Variants in HORMAD2 observed in about 807,000 individuals in gnomAD.
HORMAD2 encodes the protein HORMA domain-containing protein 2.
In HORMAD2, 45 loss-of-function variants were observed where a neutral mutation model predicts 38.8. The observed-to-expected ratio is 1.16, with a 90% CI of 0.91 to 1.49. HORMAD2 has a LOEUF of 1.49. HORMAD2 is among the 40% of genes most tolerant of loss of function. HORMAD2 has a pLI of 0.00. For missense variants in HORMAD2, 338 were observed against 367.0 expected (o/e 0.92, Z 0.65); for synonymous variants, 126 against 122.8 (o/e 1.03, Z -0.17).
intron 10 of HORMAD2, among the ~76,000 whole-genome samples, chr22:30,126,906 G>T (rs1922908051): frequency 6.6e-6 from 1 of 152,052 alleles, no homozygotes; most frequent in African/African-American, 2.4e-5. Flanking sequence ...GTATGTCATT[G>T]TTGTTTTAAT....
At chr22:30,095,748 C>T (rs1443857507) in intron 2 of HORMAD2, among the ~76,000 whole-genome samples, 1 of 152,206 alleles carries the variant, frequency 6.6e-6, no homozygotes, top group Admixed American at 6.5e-5. Flanking sequence ...GCTGAAAGAA[C>T]TGCATAAGAC....
intron 10 of HORMAD2, among the ~76,000 whole-genome samples, chr22:30,140,704 A>G (rs1924012697): frequency 6.6e-6 from 1 of 152,016 alleles, no homozygotes; most frequent in African/African-American, 2.4e-5. Context: ...AGGTTTGTCA[A>G]TTTTGTTGAT....
intron 10 of HORMAD2, among the ~76,000 whole-genome samples, chr22:30,162,502 A>G (rs1255465927): frequency 1.3e-5 from 2 of 152,246 alleles, no homozygotes; most frequent in Admixed American, 6.5e-5. Flanking sequence ...CATCATTTTA[A>G]TATTCACATA....
chr22:30,140,545 C>A (rs771267578), intron 10 of HORMAD2, among the ~76,000 whole-genome samples: 1 of 152,056 alleles, frequency 6.6e-6, no homozygotes, highest in East Asian at 1.9e-4. Context: ...ATTTCCATTT[C>A]ATCTAAGTTA....
At chr22:30,080,669 C>A (rs1229557570) in intron 1 of HORMAD2, among the ~76,000 whole-genome samples, 178 bp downstream of exon 1, 1 of 152,018 alleles carries the variant, frequency 6.6e-6, no homozygotes, top group Non-Finnish European at 1.5e-5. Flanking sequence ...ATCGGGAGGG[C>A]AGGGGGCTGA....
At chr22:30,107,171 T>C (rs1921262338) in intron 5 of HORMAD2, among the ~76,000 whole-genome samples, 1 of 152,190 alleles carries the variant, frequency 6.6e-6, no homozygotes, top group African/African-American at 2.4e-5. Flanking sequence ...AGGGAGGTCA[T>C]AATATAATAG....
In HORMAD2 at chr22:30,176,230, C is replaced by G; in HGVS notation, c.*63C>G. Reference sequence around the variant, plus strand: ...TTTATTTTGTAAAAACATGCATAAACTGTCTTAGCAGGAAAGTACATTCCT... The same window carrying G: ...TTTATTTTGTAAAAACATGCATAAAGTGTCTTAGCAGGAAAGTACATTCCT... On this transcript the variant is annotated 3_prime_UTR_variant, in exon 11 of 11. Transcript: ENST00000336726. 1 of 1,142,668 alleles carries G rather than the reference C, an allele frequency of 8.8e-7. No individual in the cohort carries two copies. The highest frequency in any genetic ancestry group is 1.3e-6 in the Non-Finnish European group (1 of 784,730). 70.8% of individuals were successfully genotyped at this position (1,142,668 alleles called of 1,614,324 possible). A position where few individuals can be genotyped will look rare whatever the true frequency, so the allele number is the denominator to read the frequency against.
intron 3 of HORMAD2, among the ~76,000 whole-genome samples, chr22:30,102,710 C>T (rs918331123): frequency 1.3e-5 from 2 of 152,152 alleles, no homozygotes; most frequent in African/African-American, 4.8e-5. Flanking sequence ...ATTACAGCTT[C>T]GACCTTCCAG....
At chr22:30,152,258 T>C (rs1301402701) in intron 10 of HORMAD2, among the ~76,000 whole-genome samples, 10 of 151,976 alleles carry the variant, frequency 6.6e-5, no homozygotes. Flanking sequence ...AGTGCAGTGG[T>C]ACAATCATAG....
chr22:30,090,692 T>C (rs2068665897), intron 1 of HORMAD2, among the ~76,000 whole-genome samples: 1 of 152,226 alleles, frequency 6.6e-6, no homozygotes, highest in Non-Finnish European at 1.5e-5. Context: ...TCCACATCCT[T>C]ACCAACTTAC....
intron 10 of HORMAD2, among the ~76,000 whole-genome samples, chr22:30,169,219 T>C (rs1307954594): frequency 6.6e-6 from 1 of 152,138 alleles, no homozygotes; most frequent in East Asian, 1.9e-4. Context: ...TGCTGTACCC[T>C]ATATATGACT....
intron 10 of HORMAD2, among the ~76,000 whole-genome samples, chr22:30,167,561 TAGG>T (rs1925861869): frequency 6.6e-6 from 1 of 152,162 alleles, no homozygotes; most frequent in South Asian, 2.1e-4. Flanking sequence ...GTGTAGGCAT[TAGG>T]AGACGAGGGA....
chr22:30,127,199 CTTTTTTTTT>C lies in HORMAD2; in HGVS notation c.819+5004_819+5012del, dbSNP rs757608874. Among the ~76,000 whole-genome samples the C allele has an allele frequency of 7.5e-5, 6 of 79,802 alleles. No individual in the cohort carries two copies. The South Asian group carries it at 1.4e-3, about 18-fold the overall frequency. The allele number at this position is 79,802 out of a possible 152,430, so 52.4% of individuals were successfully genotyped here. ...ATGAGGTGTTTTATAAACAGAAGTT[CTTTTTTTTT>C]TTTTTTTTTTTTTTTTTTGAGACGG... On this transcript the variant is annotated intron_variant, in intron 10 of 10. Transcript: ENST00000336726.
intron 10 of HORMAD2, among the ~76,000 whole-genome samples, chr22:30,153,024 T>G (rs73402627): frequency 0.045 from 6,903 of 152,232 alleles, 522 homozygotes; most frequent in African/African-American, 0.16. Context: ...GTCTTTTTAT[T>G]CACCACTGCC....
At chr22:30,084,434 A>G (rs2068535484) in intron 1 of HORMAD2, among the ~76,000 whole-genome samples, 1 of 152,174 alleles carries the variant, frequency 6.6e-6, no homozygotes, top group Admixed American at 6.6e-5. Context: ...TAAAGGCCCC[A>G]ACTCTCAACA....
At chr22:30,110,987 C>T (rs901372319) in intron 5 of HORMAD2, among the ~76,000 whole-genome samples, 12 of 151,082 alleles carry the variant, frequency 7.9e-5, no homozygotes, top group African/African-American at 2.9e-4. Flanking sequence ...GAAACCCTGT[C>T]TCTACTAAAA....
chr22:30,096,418 T>C (rs924288758), intron 2 of HORMAD2, among the ~76,000 whole-genome samples: 2 of 152,146 alleles, frequency 1.3e-5, no homozygotes, highest in African/African-American at 4.8e-5. Flanking sequence ...GAGTTTTTAT[T>C]ATTCTACATC....
At chr22:30,158,555 TCCCCTC>T (rs1925232482) in intron 10 of HORMAD2, among the ~76,000 whole-genome samples, 1 of 72,782 alleles carries the variant, frequency 1.4e-5, no homozygotes, top group South Asian at 7.9e-4. Context: ...CCTTCCTCCC[TCCCCTC>T]CCCTCCCTTC....
In HORMAD2 at chr22:30,098,993, G is replaced by A. The variant is rs1266711208; in HGVS notation, c.193G>A (p.Asp65Asn). The A allele has an allele frequency of 1.1e-5, 18 of 1,605,004 alleles. No individual in the cohort carries two copies. The highest frequency in any genetic ancestry group is 1.5e-5 in the Non-Finnish European group (18 of 1,176,084). ...ESSYGERHLD[D>N]LSLKILREDK... is the part of the protein sequence containing the mutation. ...CTCTTATGGAGAACGCCATTTGGAT[G>A]GTAAAGTTAAACTAACTAGTCTCTT... The change falls in exon 3 of 11, where the codon GAC (aspartate) becomes AAC (asparagine). Residue 65 changes from aspartate to asparagine, a missense_variant and splice_region_variant. Physicochemically the swap from Asp to Asn is conservative, Grantham distance 23. Transcript: ENST00000336726.
Sources: gnomAD v4.1 joint callset for allele counts (sites outside exome capture counted in the v4.1 genomes callset) on GRCh38, gnomAD v4.1.1 for gene constraint, MANE v1.5 for transcripts, NCBI Gene and HGNC (gene_info 2026-07-23, HGNC 2026-07-21) for gene names.